ADAM12: variants seen among roughly 807,000 people sequenced by gnomAD.
The protein encoded by ADAM12 is disintegrin and metalloproteinase domain-containing protein 12.
In ADAM12, 70 loss-of-function variants were observed where a neutral mutation model predicts 106.4. The observed-to-expected ratio is 0.66, with a 90% CI of 0.54 to 0.80. ADAM12 has a LOEUF of 0.80. ADAM12 is among the 30% of genes least tolerant of loss of function. ADAM12 has a pLI of 0.00. For missense variants in ADAM12, 1,010 were observed against 1,171.9 expected, an observed-to-expected ratio of 0.86 and a Z score of 2.02; for synonymous variants, 420 against 433.5, an observed-to-expected ratio of 0.97 and a Z score of 0.39.
intron 3 of ADAM12, among the ~76,000 whole-genome samples, chr10:126,258,619 C>CT: frequency 6.6e-6 from 1 of 152,284 alleles, no homozygotes; most frequent in Non-Finnish European, 1.5e-5. Flanking sequence ...CTTGGTCTCC[C>CT]TTTTTTATTA....
chr10:126,170,794 T>G (rs1294674032), intron 3 of ADAM12, among the ~76,000 whole-genome samples: 1 of 152,240 alleles, frequency 6.6e-6, no homozygotes, highest in African/African-American at 2.4e-5. Context: ...GTAATACCCA[T>G]GCTGAATATT....
intron 5 of ADAM12, among the ~76,000 whole-genome samples, chr10:126,118,663 G>A (rs1371287391): frequency 6.6e-6 from 1 of 152,206 alleles, no homozygotes; most frequent in East Asian, 1.9e-4. Flanking sequence ...TGGTTACGTG[G>A]ATAAATTGTG....
chr10:126,079,822 G>A (rs1318503279), intron 11 of ADAM12, among the ~76,000 whole-genome samples: 2 of 152,172 alleles, frequency 1.3e-5, no homozygotes, highest in Non-Finnish European at 1.5e-5. Flanking sequence ...CATGAAAGAT[G>A]TGCCAATGGA....
intron 2 of ADAM12, among the ~76,000 whole-genome samples, chr10:126,300,078 C>T (rs1268927659): frequency 2.0e-5 from 3 of 152,162 alleles, no homozygotes; most frequent in African/African-American, 7.2e-5. Flanking sequence ...ATAAATGGAT[C>T]GTGTGACCTT....
At chr10:126,060,789 C>G (rs970563062) in intron 14 of ADAM12, among the ~76,000 whole-genome samples, 1 of 152,216 alleles carries the variant, frequency 6.6e-6, no homozygotes, top group South Asian at 2.1e-4. Context: ...CCGCCCTCCC[C>G]TCCAGATCCA....
chr10:126,044,533 T>C (rs1218661452), intron 17 of ADAM12, among the ~76,000 whole-genome samples: 1 of 152,176 alleles, frequency 6.6e-6, no homozygotes, highest in Non-Finnish European at 1.5e-5. Flanking sequence ...AGGAAGTCGA[T>C]GCACAATGAC....
intron 2 of ADAM12, among the ~76,000 whole-genome samples, chr10:126,305,655 T>C (rs1960812855): frequency 6.6e-6 from 1 of 152,092 alleles, no homozygotes; most frequent in Non-Finnish European, 1.5e-5. Flanking sequence ...AAGTTTATTT[T>C]TACAAAAATC....
Position 126,155,206 on chromosome 10 carries a change from A to T in ADAM12, c.339+21T>A, listed in dbSNP as rs747758862. On this transcript the variant is annotated intron_variant, in intron 4 of 22. Transcript: ENST00000448723. Reference sequence around the variant, plus strand: ...GATCCAGTGGTGTAAGATTATGGTGATCCCAACGTGCCAGAATTACCGTGT... The same window carrying T: ...GATCCAGTGGTGTAAGATTATGGTGTTCCCAACGTGCCAGAATTACCGTGT... The T allele has an allele frequency of 5.0e-6, 8 of 1,611,936 alleles. No individual in the cohort carries two copies. In the South Asian group the frequency reaches 8.8e-5, roughly 18 times the overall value.
intron 3 of ADAM12, among the ~76,000 whole-genome samples, chr10:126,178,284 C>T (rs1957254022): frequency 6.6e-6 from 1 of 151,730 alleles, no homozygotes; most frequent in South Asian, 2.1e-4. Context: ...CACATGTGTT[C>T]TTCAAGTCAC....
chr10:126,100,997 G>T, intron 9 of ADAM12, 75 bp downstream of exon 9: 1 of 1,522,552 alleles, frequency 6.6e-7, no homozygotes, highest in African/African-American at 1.4e-5. Flanking sequence ...AGCTCCTGGG[G>T]CTGTGCAGGT....
chr10:126,101,829 C>T (rs1452871742), intron 8 of ADAM12, among the ~76,000 whole-genome samples: 1 of 152,106 alleles, frequency 6.6e-6, no homozygotes, highest in Non-Finnish European at 1.5e-5. Flanking sequence ...ATAAACAGAG[C>T]CCTTCTTCAG....
chr10:126,387,203 A>C (rs1856693647), intron 1 of ADAM12, among the ~76,000 whole-genome samples: 1 of 152,230 alleles, frequency 6.6e-6, no homozygotes. Context: ...GCGGCGGCGG[A>C]GACCCGGGGA....
chr10:126,013,027 A>G lies in ADAM12; in HGVS notation c.*4252T>C, dbSNP rs1242250957. 1.3e-5 allele frequency: 2 copies of G among 152,234 alleles called. No individual in the cohort carries two copies. The highest frequency in any genetic ancestry group is 2.9e-5 in the Non-Finnish European group (2 of 68,038). The allele number at this position is 152,234 out of a possible 1,614,324, so 9.4% of individuals were successfully genotyped here. On this transcript the variant is annotated 3_prime_UTR_variant, in exon 23 of 23. Coordinates refer to ENST00000448723, the MANE Select transcript of ADAM12 (RefSeq NM_001288973.2). This position sits in a 1 kb window ranked among gnomAD's most constrained non-coding sequence, Gnocchi z 4.3. ...GGTCAGGGTGGGTTACAGGGCATTC[A>G]ACCTGGAAGAGCTGAATAGCTTTAC...
intron 1 of ADAM12, among the ~76,000 whole-genome samples, chr10:126,346,839 T>TGCAAC (rs1448420995): frequency 6.6e-6 from 1 of 152,236 alleles, no homozygotes; most frequent in African/African-American, 2.4e-5. Flanking sequence ...AGACTAGGTT[T>TGCAAC]GCAACCCCTG....
intron 1 of ADAM12, among the ~76,000 whole-genome samples, chr10:126,350,379 C>T (rs1236973705): frequency 1.3e-5 from 2 of 152,222 alleles, no homozygotes; most frequent in East Asian, 1.9e-4. Flanking sequence ...CACACCCACA[C>T]ACAGAGTCGG....
At chr10:126,091,344 GGT>G (rs1187600307) in intron 11 of ADAM12, among the ~76,000 whole-genome samples, 2 of 152,182 alleles carry the variant, frequency 1.3e-5, no homozygotes, top group African/African-American at 4.8e-5. Context: ...CTCCACCACG[GGT>G]GATGGATGAC....
intron 3 of ADAM12, among the ~76,000 whole-genome samples, chr10:126,203,937 C>CGT (rs1957748532): frequency 1.1e-5 from 1 of 93,338 alleles, no homozygotes; most frequent in East Asian, 2.6e-4. Context: ...TGCGCGCGCG[C>CGT]GCGTGTGTGT....
intron 21 of ADAM12, among the ~76,000 whole-genome samples, chr10:126,031,931 T>C (rs139779857): frequency 1.8e-3 from 275 of 152,284 alleles, no homozygotes; most frequent in African/African-American, 6.5e-3. Context: ...TGATCAAGAC[T>C]GGGGAGTTAG....
intron 3 of ADAM12, among the ~76,000 whole-genome samples, chr10:126,277,514 C>T (rs1256819170): frequency 6.6e-6 from 1 of 152,102 alleles, no homozygotes; most frequent in African/African-American, 2.4e-5. Flanking sequence ...TGCCTAGCTT[C>T]TTCCATTGAG....
Sources: allele counts gnomAD v4.1 joint callset (sites outside exome capture counted in the v4.1 genomes callset), GRCh38; gene constraint gnomAD v4.1.1; non-coding constraint Gnocchi (gnomAD v3.1); transcripts MANE v1.5; gene names NCBI Gene and HGNC (gene_info 2026-07-23, HGNC 2026-07-21).